Variants in B3GALT1 observed in about 807,000 individuals in gnomAD.
The protein encoded by B3GALT1 is beta-1,3-galactosyltransferase 1.
A neutral mutation model predicts 23.2 loss-of-function variants in B3GALT1; 10 were observed. That is an observed-to-expected ratio of 0.43 (90% confidence interval 0.27 to 0.73). The LOEUF is 0.73. Ranked by LOEUF, B3GALT1 falls within the 30% of genes least tolerant of loss-of-function variation. The pLI is 0.21. For synonymous variants in B3GALT1, 156 were observed against 141.5 expected (o/e 1.10, Z -0.73); for missense variants, 299 against 405.4 (o/e 0.74, Z 2.25).
intron 1 of B3GALT1, among the ~76,000 whole-genome samples, chr2:167,352,054 G>A (rs1697317476): frequency 6.6e-6 from 1 of 150,832 alleles, no homozygotes; most frequent in Admixed American, 6.6e-5. Flanking sequence ...CTGCCTCCCG[G>A]GTTCAAATGA....
At chr2:167,431,559 A>G (rs779353338) in intron 1 of B3GALT1, among the ~76,000 whole-genome samples, 1 of 152,210 alleles carries the variant, frequency 6.6e-6, no homozygotes, top group Non-Finnish European at 1.5e-5. Context: ...TTAGTCCTTA[A>G]TTCATTTTTC....
At chr2:167,452,336 G>T (rs538581282) in intron 1 of B3GALT1, among the ~76,000 whole-genome samples, 1 of 152,074 alleles carries the variant, frequency 6.6e-6, no homozygotes, top group South Asian at 2.1e-4. Flanking sequence ...GTCAGAAATG[G>T]CTTCCTTGGG....
chr2:167,642,156 G>A (rs948558556), intron 2 of B3GALT1, among the ~76,000 whole-genome samples: 2 of 152,178 alleles, frequency 1.3e-5, no homozygotes, highest in Non-Finnish European at 2.9e-5. Flanking sequence ...TGGGGAGACA[G>A]AGCTCAACAG....
intron 1 of B3GALT1, among the ~76,000 whole-genome samples, chr2:167,334,463 T>G (rs1697022881): frequency 6.6e-6 from 1 of 152,198 alleles, no homozygotes; most frequent in South Asian, 2.1e-4. Flanking sequence ...GGTCATGAAC[T>G]GATTCATTCA....
intron 3 of B3GALT1, among the ~76,000 whole-genome samples, chr2:167,657,347 C>A (rs181155447): frequency 4.6e-5 from 7 of 152,024 alleles, no homozygotes; most frequent in Admixed American, 6.6e-5. Context: ...AAATAAACGG[C>A]CCAGGAAAGA....
intron 1 of B3GALT1, among the ~76,000 whole-genome samples, chr2:167,318,857 C>T (rs1451575886): frequency 6.6e-6 from 1 of 152,062 alleles, no homozygotes; most frequent in Non-Finnish European, 1.5e-5. Flanking sequence ...TGAAAATCAG[C>T]CACAGAAAGC....
chr2:167,677,670 G>GT (rs1348921024), intron 3 of B3GALT1, among the ~76,000 whole-genome samples: 4 of 152,082 alleles, frequency 2.6e-5, no homozygotes, highest in East Asian at 3.9e-4. Flanking sequence ...TCCTGCCTTT[G>GT]TATTTTTTTT....
intron 1 of B3GALT1, among the ~76,000 whole-genome samples, chr2:167,399,035 A>G (rs952412132): frequency 1.3e-5 from 2 of 152,198 alleles, no homozygotes; most frequent in African/African-American, 4.8e-5. Context: ...AGATATGGCA[A>G]ACTGCCATGG....
At chr2:167,510,106 C>G (rs1279296490) in intron 2 of B3GALT1, among the ~76,000 whole-genome samples, 1 of 152,074 alleles carries the variant, frequency 6.6e-6, no homozygotes, top group Non-Finnish European at 1.5e-5. Context: ...AGGTCTTACC[C>G]AATATCAAAT....
At chr2:167,610,926 A>AAG (rs1268333304) in intron 2 of B3GALT1, among the ~76,000 whole-genome samples, 9 of 139,662 alleles carry the variant, frequency 6.4e-5, no homozygotes, top group Non-Finnish European at 1.1e-4. Flanking sequence ...AAAAAAAAAA[A>AAG]AGAGAGAGAG....
At chr2:167,493,645 T>C (rs1048017736) in intron 2 of B3GALT1, among the ~76,000 whole-genome samples, 11 of 152,144 alleles carry the variant, frequency 7.2e-5, no homozygotes, top group African/African-American at 2.7e-4. Context: ...CTCTATTTTC[T>C]ATAAAAGACG....
chr2:167,381,005 C>T (rs1051498580), intron 1 of B3GALT1, among the ~76,000 whole-genome samples: 1 of 152,076 alleles, frequency 6.6e-6, no homozygotes, highest in Non-Finnish European at 1.5e-5. Flanking sequence ...TTGAGGCATG[C>T]TGAAAGCCTC....
intron 2 of B3GALT1, among the ~76,000 whole-genome samples, chr2:167,547,902 G>C (rs1388340528): frequency 6.6e-6 from 1 of 152,074 alleles, no homozygotes; most frequent in Non-Finnish European, 1.5e-5. Context: ...ATTTCCACTG[G>C]CTATGTGTAA....
intron 4 of B3GALT1, among the ~76,000 whole-genome samples, chr2:167,833,349 G>T (rs1028787544): frequency 1.3e-5 from 2 of 152,132 alleles, no homozygotes; most frequent in Non-Finnish European, 2.9e-5. Context: ...TCCTGCAGAG[G>T]TTATGAATAT....
chr2:167,854,640 G>A (rs1689965137), intron 4 of B3GALT1, among the ~76,000 whole-genome samples: 2 of 152,192 alleles, frequency 1.3e-5, no homozygotes, highest in African/African-American at 4.8e-5. Context: ...AGAGGTATCT[G>A]ATGGGTGGAA....
intron 1 of B3GALT1, among the ~76,000 whole-genome samples, chr2:167,403,515 A>G (rs1698227646): frequency 6.6e-6 from 1 of 151,854 alleles, no homozygotes; most frequent in East Asian, 1.9e-4. Context: ...AAAAAAAAAG[A>G]CTCAGAGTTT....
chr2:167,409,555 T>C (rs568612512), intron 1 of B3GALT1, among the ~76,000 whole-genome samples: 2 of 152,070 alleles, frequency 1.3e-5, no homozygotes, highest in Non-Finnish European at 1.5e-5. Context: ...CTGTTGATAC[T>C]TGTGTATGCT....
intron 2 of B3GALT1, among the ~76,000 whole-genome samples, chr2:167,530,199 T>A (rs934400820): frequency 2.6e-5 from 4 of 152,186 alleles, no homozygotes; most frequent in African/African-American, 4.8e-5. Flanking sequence ...CCAAATGTTC[T>A]CCTCAAACAG....
Position 167,693,448 on chromosome 2 carries a change from G to C in B3GALT1, c.-352+46482G>C, listed in dbSNP as rs914558307. On this transcript the variant is annotated intron_variant, in intron 3 of 4. Coordinates refer to ENST00000392690, the MANE Select transcript of B3GALT1 (RefSeq NM_020981.4). ...CTTCAACAAGATTGAATAGACAAGG[G>C]AATCAATAGAACTGTAGGCTTCATC... Among the ~76,000 whole-genome samples the C allele has an allele frequency of 6.2e-4, 94 of 152,164 alleles. 1 individual carries two copies. Among genetic ancestry groups the C allele is most frequent in the African/African-American group, 2.2e-3 (90 of 41,522 alleles).
Sources: allele counts gnomAD v4.1 joint callset (sites outside exome capture counted in the v4.1 genomes callset), GRCh38; gene constraint gnomAD v4.1.1; transcripts MANE v1.5; gene names NCBI Gene and HGNC (gene_info 2026-07-23, HGNC 2026-07-21).